The following ZNF423 variants were observed in gnomAD, a reference collection of about 807,000 sequenced individuals.
ZNF423 encodes the protein zinc finger protein 423.
In ZNF423, 12 loss-of-function variants were observed where a neutral mutation model predicts 95.8. The ratio of observed to expected loss-of-function variants is 0.13; its 90% confidence interval spans 0.08 to 0.20. The LOEUF (loss-of-function observed/expected upper bound fraction) is 0.20. Among genes scored for constraint, ZNF423 ranks in the 10% least tolerant of loss-of-function variants. The pLI is 1.00. For missense variants in ZNF423, 1,316 were observed against 1,737.1 expected, an observed-to-expected ratio of 0.76 and a Z score of 4.31; for synonymous variants, 749 against 711.9, an observed-to-expected ratio of 1.05 and a Z score of -0.83.
intron 5 of ZNF423, among the ~76,000 whole-genome samples, chr16:49,610,699 A>T (rs1971695127): frequency 6.6e-6 from 1 of 152,078 alleles, no homozygotes; most frequent in South Asian, 2.1e-4. Flanking sequence ...TAAATAACCT[A>T]ACTATACTAA....
chr16:49,648,943 T>C (rs1003657844), intron 3 of ZNF423, among the ~76,000 whole-genome samples: 4 of 152,112 alleles, frequency 2.6e-5, no homozygotes, highest in African/African-American at 4.8e-5. Context: ...GAAATATCTG[T>C]AGAGGACCAT....
chr16:49,841,079 C>T (rs2035177983), intron 1 of ZNF423, among the ~76,000 whole-genome samples: 1 of 152,218 alleles, frequency 6.6e-6, no homozygotes, highest in Non-Finnish European at 1.5e-5. Flanking sequence ...ATTTCCTCCT[C>T]ACCTCTCTCC....
At chr16:49,726,252 C>A (rs955507747) in intron 3 of ZNF423, among the ~76,000 whole-genome samples, 1 of 152,080 alleles carries the variant, frequency 6.6e-6, no homozygotes, top group Admixed American at 6.6e-5. Flanking sequence ...TAATTCAGGC[C>A]AAAGCAGGGG....
intron 2 of ZNF423, among the ~76,000 whole-genome samples, chr16:49,732,725 T>C (rs2033197613): frequency 1.3e-5 from 2 of 152,216 alleles, no homozygotes; most frequent in Non-Finnish European, 2.9e-5. Context: ...TGTGAATATT[T>C]CAATTTGGAA....
chr16:49,504,728 G>A lies in ZNF423; in HGVS notation c.3850-13424C>T, dbSNP rs9932156. ...GACATCCTCAGCTGGGTGGGAGGGA[G>A]CCACAGCATCCCAGGACAACATGCC... On this transcript the variant is annotated intron_variant, in intron 7 of 7. Transcript: ENST00000563137. 6.7e-3 allele frequency among the ~76,000 whole-genome samples: 1,019 copies of A among 152,324 alleles called. 13 individuals carry two copies. Among genetic ancestry groups the A allele is most frequent in the African/African-American group, 0.023 (972 of 41,570 alleles).
chr16:49,619,605 A>G (rs908810322), intron 5 of ZNF423, among the ~76,000 whole-genome samples: 1 of 152,190 alleles, frequency 6.6e-6, no homozygotes, highest in Non-Finnish European at 1.5e-5. Flanking sequence ...AGAATAAAAA[A>G]GAATTGGATT....
chr16:49,737,507 G>C (rs562459962), intron 2 of ZNF423, among the ~76,000 whole-genome samples: 1 of 152,268 alleles, frequency 6.6e-6, no homozygotes, highest in Admixed American at 6.5e-5. Flanking sequence ...TGATCCACCC[G>C]CCTCGGCCTC....
intron 2 of ZNF423, among the ~76,000 whole-genome samples, chr16:49,771,509 C>G (rs1567335799): frequency 6.6e-6 from 1 of 152,066 alleles, no homozygotes; most frequent in Non-Finnish European, 1.5e-5. Flanking sequence ...ACAGCCTCAT[C>G]TTGAATTGTA....
chr16:49,630,052 C>T (rs979319245), intron 4 of ZNF423, among the ~76,000 whole-genome samples: 1 of 152,302 alleles, frequency 6.6e-6, no homozygotes. Context: ...CTGGGGGATT[C>T]GCTGTGTCCT....
intron 2 of ZNF423, among the ~76,000 whole-genome samples, chr16:49,766,266 T>A (rs2033927105): frequency 6.6e-6 from 1 of 152,148 alleles, no homozygotes; most frequent in Admixed American, 6.5e-5. Flanking sequence ...CATGTTTTTT[T>A]AAGTGAAGGT....
rs1972736321 is a variant in ZNF423, at chr16:49,636,766, G to C, written c.2410C>G (p.Leu804Val). The C allele has an allele frequency of 1.2e-6, 2 of 1,613,948 alleles. No individual in the cohort carries two copies. Among genetic ancestry groups the C allele is most frequent in the Non-Finnish European group, 8.5e-7 (1 of 1,179,986 alleles). ...CGETFSTEVE[L>V]QCHITTHSKK... ...CTGTGTGTGGTGATGTGGCACTGCA[G>C]CTCCACCTCGGTGCTGAAGGTCTCC... is the stretch of plus-strand genomic sequence containing the variant. The change falls in exon 4 of 8, where the codon CTG (leucine) becomes GTG (valine). Residue 804 changes from leucine (L) to valine (V), a missense_variant. Physicochemically the swap from Leu to Val is conservative, Grantham distance 32 (BLOSUM62 1). This residue lies in a region of ZNF423 where 620 missense variants were observed against 775.6 expected (regional missense o/e 0.80). Coordinates refer to ENST00000563137, the MANE Select transcript of ZNF423 (RefSeq NM_001379286.1). This position sits in a 1 kb window ranked among gnomAD's most constrained non-coding sequence, Gnocchi z 8.6.
chr16:49,666,452 G>C (rs2030549931), intron 3 of ZNF423, among the ~76,000 whole-genome samples: 1 of 152,166 alleles, frequency 6.6e-6, no homozygotes, highest in Non-Finnish European at 1.5e-5. Context: ...TATTAAACCA[G>C]CTACATACAC....
chr16:49,492,764 C>T lies in ZNF423; in HGVS notation c.3850-1460G>A, dbSNP rs1373478839. Among the ~76,000 whole-genome samples the T allele has an allele frequency of 6.6e-6, 1 of 152,156 alleles. No individual in the cohort carries two copies. Among genetic ancestry groups the T allele is most frequent in the Non-Finnish European group, 1.5e-5 (1 of 68,012 alleles). On this transcript the variant is annotated intron_variant, in intron 7 of 7. Coordinates refer to ENST00000563137, the MANE Select transcript of ZNF423 (RefSeq NM_001379286.1). This position sits in a 1 kb window ranked among gnomAD's most constrained non-coding sequence, Gnocchi z 4.2. The stretch of plus-strand genomic sequence containing the variant: ...CCGTGGCAGGCACCGCTCTTTCAAT[C>T]CTCACAACAGCCTTGCGAGGTGGGA...
intron 2 of ZNF423, among the ~76,000 whole-genome samples, chr16:49,761,755 A>T (rs7404830): frequency 0.71 from 107,715 of 152,134 alleles, 39,032 homozygotes; most frequent in African/African-American, 0.86. Context: ...CCTCTGCACA[A>T]ACATCCAAGG....
intron 3 of ZNF423, among the ~76,000 whole-genome samples, chr16:49,662,066 C>T (rs571085318): frequency 3.9e-4 from 60 of 152,280 alleles, no homozygotes; most frequent in African/African-American, 1.3e-3. Context: ...TGGGCAGAGC[C>T]GTGGTTCACT....
At chr16:49,798,458 A>G (rs1174827615) in intron 1 of ZNF423, among the ~76,000 whole-genome samples, 1 of 151,880 alleles carries the variant, frequency 6.6e-6, no homozygotes, top group East Asian at 1.9e-4. Context: ...CAGTGAGCCA[A>G]GATCACACCA....
intron 3 of ZNF423, among the ~76,000 whole-genome samples, chr16:49,719,517 T>C (rs1403123996): frequency 6.6e-6 from 1 of 152,228 alleles, no homozygotes; most frequent in Non-Finnish European, 1.5e-5. Flanking sequence ...CCAAATCTCA[T>C]GTGGAATTGT....
At chr16:49,534,701 C>T (rs1385975806) in intron 5 of ZNF423, among the ~76,000 whole-genome samples, 2 of 152,162 alleles carry the variant, frequency 1.3e-5, no homozygotes, top group East Asian at 1.9e-4. Flanking sequence ...CATGCCCCTA[C>T]CCCAGTAAAT....
At chr16:49,641,210 AC>A (rs898368322) in intron 3 of ZNF423, among the ~76,000 whole-genome samples, 13 of 152,344 alleles carry the variant, frequency 8.5e-5, no homozygotes, top group African/African-American at 2.9e-4. Flanking sequence ...CTGGGAAATG[AC>A]AGTGCCAGAG....
Sources: gnomAD v4.1 joint callset for allele counts (sites outside exome capture counted in the v4.1 genomes callset) on GRCh38, gnomAD v4.1.1 for gene constraint, gnomAD v4.1.1 regional missense constraint, Gnocchi (gnomAD v3.1) non-coding constraint, MANE v1.5 for transcripts, NCBI Gene and HGNC (gene_info 2026-07-23, HGNC 2026-07-21) for gene names.